ACTR3C: variants seen among roughly 807,000 people sequenced by gnomAD.
ACTR3C encodes actin related protein 3C, also known as actin-related protein 3C.
Under a neutral mutation model 26.3 loss-of-function variants are expected in ACTR3C, and 18 were observed. The observed-to-expected ratio is 0.68, with a 90% confidence interval of 0.47 to 1.01. ACTR3C has a LOEUF of 1.01. ACTR3C is among the 50% of genes least tolerant of loss of function. The pLI is 0.00. For missense variants in ACTR3C, 184 were observed against 250.7 expected (o/e 0.73, Z 1.80); for synonymous variants, 55 against 94.5 (o/e 0.58, Z 2.42).
chr7:150,032,153 C>T, the ACTR3C span, among the ~76,000 whole-genome samples: 1,665 of 152,174 alleles, frequency 0.011, 15 homozygotes, highest in African/African-American at 0.02. Flanking sequence ...AAGATAGTGA[C>T]GATGGTGAGG....
chr7:150,301,732 A>C (rs886456584), intron 1 of ACTR3C, among the ~76,000 whole-genome samples: 1 of 151,164 alleles, frequency 6.6e-6, no homozygotes, highest in Non-Finnish European at 1.5e-5. Flanking sequence ...TTCAACATGG[A>C]TGAAGCATGA....
intron 6 of ACTR3C, among the ~76,000 whole-genome samples, chr7:150,270,668 C>G (rs564544520): frequency 6.6e-6 from 1 of 152,294 alleles, no homozygotes; most frequent in Non-Finnish European, 1.5e-5. Flanking sequence ...CCAGTCCACA[C>G]TGCCTCCCTT....
chr7:150,229,427 C>T, the ACTR3C span, among the ~76,000 whole-genome samples: 1 of 151,946 alleles, frequency 6.6e-6, no homozygotes, highest in Non-Finnish European at 1.5e-5. Context: ...TTCTCCACAT[C>T]TATTGGTATG....
At chr7:150,037,752 A>C in the ACTR3C span, among the ~76,000 whole-genome samples, 1 of 30,608 alleles carries the variant, frequency 3.3e-5, no homozygotes. Context: ...CTCAGTCCCC[A>C]CCCTCGCGGG....
At chr7:150,220,787 G>A in the ACTR3C span, among the ~76,000 whole-genome samples, 1 of 152,310 alleles carries the variant, frequency 6.6e-6, no homozygotes. Flanking sequence ...GCTGCAAGGA[G>A]CCCACGGGTG....
At chr7:150,231,729 A>G in the ACTR3C span, among the ~76,000 whole-genome samples, 1 of 151,826 alleles carries the variant, frequency 6.6e-6, no homozygotes, top group African/African-American at 2.4e-5. Context: ...ACCTGATAAT[A>G]TATTTCCTAT....
chr7:150,265,121 A>T (rs1833931080), intron 6 of ACTR3C, among the ~76,000 whole-genome samples: 1 of 152,146 alleles, frequency 6.6e-6, no homozygotes, highest in Non-Finnish European at 1.5e-5. Context: ...AGCCAAACTG[A>T]GAGCTGGATT....
Position 150,311,619 on chromosome 7 carries a change from T to C in ACTR3C, c.-52+11850A>G, listed in dbSNP as rs930158131. ...CAGCACAAGTCCTGAGCCACATGACTGTATCTCCCTAATACACATAGCATC... is the reference window on the plus strand; with the variant it reads ...CAGCACAAGTCCTGAGCCACATGACCGTATCTCCCTAATACACATAGCATC... On this transcript the variant is annotated intron_variant, in intron 1 of 7. Transcript: ENST00000683684. Among the ~76,000 whole-genome samples the C allele has an allele frequency of 9.8e-5, 15 of 152,330 alleles. 1 individual carries two copies. Among genetic ancestry groups the C allele is most frequent in the Admixed American group, 9.1e-4 (14 of 15,304 alleles).
At chr7:150,313,324 G>A (rs1235876333) in intron 1 of ACTR3C, among the ~76,000 whole-genome samples, 1 of 152,182 alleles carries the variant, frequency 6.6e-6, no homozygotes, top group African/African-American at 2.4e-5. Context: ...GGGGTGGGTG[G>A]GGGTGTTCCA....
the ACTR3C span, among the ~76,000 whole-genome samples, chr7:149,974,959 C>T: frequency 0.96 from 146,360 of 152,228 alleles, 70,541 homozygotes; most frequent in Non-Finnish European, 0.99. Context: ...ACAATATGGC[C>T]TTAGAAAAAG....
the ACTR3C span, among the ~76,000 whole-genome samples, chr7:149,943,535 T>G: frequency 6.6e-6 from 1 of 151,488 alleles, no homozygotes; most frequent in Non-Finnish European, 1.5e-5. Context: ...GAGACCAGCC[T>G]GACCAACATG....
the ACTR3C span, among the ~76,000 whole-genome samples, chr7:150,067,796 T>TG: frequency 4.5e-3 from 140 of 31,408 alleles, 1 homozygote; most frequent in African/African-American, 0.018. Context: ...AAGGGGGTGG[T>TG]GGGGGGGGAT....
chr7:149,944,937 G>GGCCATGCAATGTGTCGTGT, the ACTR3C span, among the ~76,000 whole-genome samples: 1 of 151,932 alleles, frequency 6.6e-6, no homozygotes, highest in Non-Finnish European at 1.5e-5. Flanking sequence ...GGCCGTGCCA[G>GGCCATGCAATGTGTCGTGT]GCCATGCAAT....
chr7:150,204,496 G>T, the ACTR3C span, among the ~76,000 whole-genome samples: 6 of 151,160 alleles, frequency 4.0e-5, no homozygotes, highest in Non-Finnish European at 5.9e-5. Flanking sequence ...AACATTCTAT[G>T]TGAGGGTCTC....
At chr7:150,025,848 A>G in the ACTR3C span, among the ~76,000 whole-genome samples, 3 of 151,700 alleles carry the variant, frequency 2.0e-5, no homozygotes, top group Non-Finnish European at 4.4e-5. Context: ...CTGAGCTACT[A>G]TGTCTGAAGG....
the ACTR3C span, among the ~76,000 whole-genome samples, chr7:149,986,464 C>T: frequency 0.09 from 13,760 of 152,204 alleles, 777 homozygotes; most frequent in Non-Finnish European, 0.13. Flanking sequence ...TCTTCCCTGA[C>T]TACCCAAGCA....
At chr7:150,314,350 A>T (rs1281027908) in intron 1 of ACTR3C, among the ~76,000 whole-genome samples, 1 of 152,194 alleles carries the variant, frequency 6.6e-6, no homozygotes, top group African/African-American at 2.4e-5. Context: ...ATTTTTCCTT[A>T]AACTATTAAT....
the ACTR3C span, among the ~76,000 whole-genome samples, chr7:149,889,740 C>G: frequency 5.3e-4 from 81 of 152,214 alleles, no homozygotes; most frequent in Non-Finnish European, 8.8e-4. Context: ...TACCTGTGGT[C>G]CGAGCTACTC....
chr7:150,295,893 T>C (rs1288194412), intron 1 of ACTR3C, among the ~76,000 whole-genome samples: 2 of 128,546 alleles, frequency 1.6e-5, no homozygotes, highest in Non-Finnish European at 3.1e-5. Context: ...CCCCAGACGC[T>C]GCCCAGGACC....
Sources: gnomAD v4.1 joint callset for allele counts (sites outside exome capture counted in the v4.1 genomes callset) on GRCh38, gnomAD v4.1.1 for gene constraint, MANE v1.5 for transcripts, NCBI Gene and HGNC (gene_info 2026-07-23, HGNC 2026-07-21) for gene names.